The following CACFD1 variants were observed in gnomAD, a reference collection of about 807,000 sequenced individuals.
CACFD1 encodes calcium channel flower domain containing 1.
Under a neutral mutation model 21.3 loss-of-function variants are expected in CACFD1, and 26 were observed. The ratio of observed to expected loss-of-function variants is 1.22; its 90% CI spans 0.89 to 1.69. The LOEUF (loss-of-function observed/expected upper bound fraction) is 1.69, where lower values mean the gene tolerates loss of function less well. CACFD1 is among the 40% of genes most tolerant of loss of function. CACFD1 has a pLI of 0.00. For synonymous variants in CACFD1, 121 were observed against 106.6 expected, an observed-to-expected ratio of 1.13 and a Z score of -0.83; for missense variants, 265 against 236.2, an observed-to-expected ratio of 1.12 and a Z score of -0.80.
At chr9:133,460,648 T>C (rs1468046872) in intron 1 of CACFD1, among the ~76,000 whole-genome samples, 3 of 152,036 alleles carry the variant, frequency 2.0e-5, no homozygotes, top group African/African-American at 4.8e-5. Context: ...TTGCTAACCT[T>C]TGGGCAAGGA....
At chr9:133,461,813 A>T in intron 1 of CACFD1, 2 of 948,602 alleles carry the variant, frequency 2.1e-6, no homozygotes, top group Non-Finnish European at 2.5e-6. Flanking sequence ...GCTGTATTAC[A>T]GGGTAGAATG....
At chr9:133,467,335 G>A (rs1052373449) in intron 3 of CACFD1, among the ~76,000 whole-genome samples, 1 of 152,164 alleles carries the variant, frequency 6.6e-6, no homozygotes, top group African/African-American at 2.4e-5. Flanking sequence ...ACTGCAGCAA[G>A]GTCTGGGCCG....
chr9:133,468,545 G>A lies in CACFD1; in HGVS notation c.429-18G>A, dbSNP rs782208900. 2.2e-5 allele frequency: 34 copies of A among 1,564,510 alleles called. No homozygotes were observed. In the South Asian group the frequency reaches 3.8e-4, roughly 17 times the overall value. ...TGGGGCTGGTGCTCCACGTGACGCT[G>A]CCTCTCTCTCTCCCCAGGGGCGATG... is the stretch of plus-strand genomic sequence containing the variant. On this transcript the variant is annotated intron_variant, in intron 4 of 4. Transcript: ENST00000316948.
intron 3 of CACFD1, among the ~76,000 whole-genome samples, chr9:133,467,035 T>A (rs1223491713): frequency 6.6e-6 from 1 of 152,254 alleles, no homozygotes; most frequent in Non-Finnish European, 1.5e-5. Flanking sequence ...TTGTAATTTC[T>A]ATTATTATTT....
chr9:133,460,816 C>G (rs765293581), intron 1 of CACFD1, among the ~76,000 whole-genome samples: 7 of 152,186 alleles, frequency 4.6e-5, no homozygotes, highest in Non-Finnish European at 7.3e-5. Context: ...GTCCTCTGTC[C>G]GCTCTCATAT....
intron 1 of CACFD1, 21 bp from the exon 2 acceptor site, chr9:133,463,462 G>A: frequency 1.2e-6 from 2 of 1,613,876 alleles, no homozygotes; most frequent in South Asian, 2.2e-5. Flanking sequence ...GCTGACTCCT[G>A]CCCGTGTCTC....
chr9:133,465,157 G>T lies in CACFD1; in HGVS notation c.195-165G>T. ...GAGTCTTCAGCAGAGGCTCTCCGAG[G>T]GGTACGAGCAGGTGCCCTGGAGCAG... On this transcript the variant is annotated intron_variant, in intron 2 of 4. Coordinates refer to ENST00000316948, the MANE Select transcript of CACFD1 (RefSeq NM_017586.5). This position sits in a 1 kb window ranked among gnomAD's most constrained non-coding sequence, Gnocchi z 5.0. 1 of 705,610 alleles carries T rather than the reference G, an allele frequency of 1.4e-6. No homozygotes were observed. The highest frequency in any genetic ancestry group is 1.7e-5 in the South Asian group (1 of 60,528). The allele number at this position is 705,610 out of a possible 1,614,324, so 43.7% of individuals were successfully genotyped here. A position where few individuals can be genotyped will look rare whatever the true frequency, so the allele number is the denominator to read the frequency against.
chr9:133,460,760 C>T (rs186195497), intron 1 of CACFD1, among the ~76,000 whole-genome samples: 40 of 152,248 alleles, frequency 2.6e-4, no homozygotes, highest in African/African-American at 8.9e-4. Flanking sequence ...CACAGGTGGC[C>T]CCTGGGGCCG....
At chr9:133,466,274 C>T (rs966602420) in intron 3 of CACFD1, among the ~76,000 whole-genome samples, 4 of 152,220 alleles carry the variant, frequency 2.6e-5, no homozygotes, top group Non-Finnish European at 4.4e-5. Context: ...AAATGCTAGA[C>T]ATCATAGAAA....
intron 4 of CACFD1, 25 bp downstream of exon 4, chr9:133,468,053 G>C (rs1479554307): frequency 6.3e-7 from 1 of 1,583,372 alleles, no homozygotes; most frequent in African/African-American, 1.3e-5. Context: ...CCCAGCCCCT[G>C]GGCAGGGCCT....
rs3216889 is a variant in CACFD1 at position 133,460,248 on chromosome 9, T to TGCCCCGCCCCGCCCC, written c.121+63_121+77dup. ...CGCGCATGCGCTCCTCGCCCTGCCC[T>TGCCCCGCCCCGCCCC]GCCCCGCCCCGCCCCGGCGGCCCCA... On this transcript the variant is annotated intron_variant, in intron 1 of 4. Coordinates refer to ENST00000316948, the MANE Select transcript of CACFD1 (RefSeq NM_017586.5). 32 of 1,369,920 alleles carry TGCCCCGCCCCGCCCC rather than the reference T, an allele frequency of 2.3e-5. 1 individual carries two copies. The South Asian group carries it at 4.5e-4, about 19-fold the overall frequency. The allele number at this position is 1,369,920 out of a possible 1,614,324, so 84.9% of individuals were successfully genotyped here.
chr9:133,460,157 T>C lies in CACFD1; in HGVS notation c.91T>C (p.Cys31Arg). 6.4e-7 allele frequency: 1 copy of C among 1,558,172 alleles called. No homozygotes were observed. Among genetic ancestry groups the C allele is most frequent in the South Asian group, 1.2e-5 (1 of 85,084 alleles). ...EGMTWWYRWL[C>R]RLSGVLGAVS... ...CATGACGTGGTGGTACCGCTGGCTG[T>C]GTCGCCTGTCTGGGGTGCTGGGGGC... The change falls in exon 1 of 5, where the codon TGT becomes CGT. Residue 31 changes from cysteine (C) to arginine (R), a missense_variant. Physicochemically the swap from Cys to Arg is radical, Grantham distance 180. Transcript: ENST00000316948.
intron 4 of CACFD1, chr9:133,468,348 CTG>C: frequency 2.0e-6 from 3 of 1,535,704 alleles, no homozygotes; most frequent in Non-Finnish European, 2.6e-6. Context: ...AGAGCCCAGA[CTG>C]AGGCTGGTTC....
rs182618302 is a variant in CACFD1, at chr9:133,460,001, C to T, written c.-66C>T. ...CTCCCTCTCCCACAAGGCAGCGCGC[C>T]GGCTCGGACGCGGCCGGCTACCGAG... On this transcript the variant is annotated 5_prime_UTR_variant, in exon 1 of 5. Transcript: ENST00000316948. The T allele has an allele frequency of 9.3e-4, 1,353 of 1,460,164 alleles. 9 individuals are homozygous for T. The African/African-American group carries it at 0.015, about 16-fold the overall frequency. 90.5% of individuals were successfully genotyped at this position (1,460,164 alleles called of 1,614,324 possible).
chr9:133,463,483 C>T lies in CACFD1; in HGVS notation c.122C>T (p.Ser41Phe), dbSNP rs1554798904. 3.1e-6 allele frequency: 5 copies of T among 1,614,106 alleles called. No individual in the cohort carries two copies. The South Asian group carries it at 5.5e-5, about 18-fold the overall frequency. Residue 41 changes from serine to phenylalanine, a missense_variant and splice_region_variant, in exon 2 of 5, where the codon TCT becomes TTT. Ser to Phe is a radical substitution (Grantham distance 155). Transcript: ENST00000316948. ...TCCTGCCCGTGTCTCTTGTTTCAAG[C>T]TTGCGCGATCTCTGGCCTCTTCAAC... ...CRLSGVLGAV[S>F]CAISGLFNCI...
chr9:133,468,729 C>G lies in CACFD1; in HGVS notation c.*76C>G, dbSNP rs1554800252. The G allele has an allele frequency of 1.4e-6, 2 of 1,478,194 alleles. No individual in the cohort carries two copies. The highest frequency in any genetic ancestry group is 4.6e-5 in the Admixed American group (2 of 43,776). The allele number at this position is 1,478,194 out of a possible 1,614,324, so 91.6% of individuals were successfully genotyped here. A position where few individuals can be genotyped will look rare whatever the true frequency, so the allele number is the denominator to read the frequency against. ...CCAAGTGAGGCCTGGACTGTCCACG[C>G]TGAGGCACAGCCTGGAGAGGGGCCT... On this transcript the variant is annotated 3_prime_UTR_variant, in exon 5 of 5. Coordinates refer to ENST00000316948, the MANE Select transcript of CACFD1 (RefSeq NM_017586.5).
At position 133,468,012 on chromosome 9, in the gene CACFD1, T is replaced by C. The variant is rs1843510545; in HGVS notation, c.412T>C (p.Ser138Pro). ...TGCTACGGGGGTGCTGTACGGACTC[T>C]CTGCTCTGGGCAAAAAGTGCGTCTG... ...AFATGVLYGLSALGKKGDAIS... is the reference protein window; with the variant it reads ...AFATGVLYGLPALGKKGDAIS... The change falls in exon 4 of 5, where the codon TCT (serine) becomes CCT (proline). Residue 138 changes from serine to proline, a missense_variant. By Grantham distance (74) the Ser-to-Pro change is moderately conservative. Transcript: ENST00000316948. 3.1e-6 allele frequency: 5 copies of C among 1,613,636 alleles called. No individual in the cohort carries two copies. The highest frequency in any genetic ancestry group is 1.7e-5 in the Admixed American group (1 of 59,988).
chr9:133,461,299 T>G (rs1168718435), intron 1 of CACFD1, among the ~76,000 whole-genome samples: 1 of 151,832 alleles, frequency 6.6e-6, no homozygotes, highest in Non-Finnish European at 1.5e-5. Context: ...GGGCTAGGAG[T>G]GTGCTGCCCT....
At chr9:133,460,297 G>T in intron 1 of CACFD1, 110 bp downstream of exon 1, 1 of 1,047,482 alleles carries the variant, frequency 9.5e-7, no homozygotes. Flanking sequence ...GCTGGGGGTC[G>T]GGGGTCTGCC....
Sources: gnomAD v4.1 joint callset for allele counts (sites outside exome capture counted in the v4.1 genomes callset) on GRCh38, gnomAD v4.1.1 for gene constraint, Gnocchi (gnomAD v3.1) non-coding constraint, MANE v1.5 for transcripts, NCBI Gene and HGNC (gene_info 2026-07-23, HGNC 2026-07-21) for gene names.